GPD1L: variants seen among roughly 807,000 people sequenced by gnomAD.
The protein encoded by GPD1L is glycerol-3-phosphate dehydrogenase 1-like protein.
Under a neutral mutation model 32.9 loss-of-function variants are expected in GPD1L, and 17 were observed. That is an observed-to-expected ratio of 0.52 (90% CI 0.35 to 0.78). The LOEUF (loss-of-function observed/expected upper bound fraction) is 0.78, where lower values mean the gene tolerates loss of function less well. Among genes scored for constraint, GPD1L ranks in the 30% least tolerant of loss-of-function variants. The pLI is 0.01. For missense variants in GPD1L, 361 were observed against 447.8 expected (o/e 0.81, Z 1.75); for synonymous variants, 187 against 165.9 (o/e 1.13, Z -0.98).
chr3:32,137,555 G>C (rs78648233), intron 2 of GPD1L, among the ~76,000 whole-genome samples: 4,497 of 152,254 alleles, frequency 0.03, 316 homozygotes, highest in East Asian at 0.25. Context: ...CATGGTACAC[G>C]TAGCTGCAAG....
chr3:32,123,799 T>C lies in GPD1L; in HGVS notation c.48-4277T>C, dbSNP rs190086679. 6.7e-4 allele frequency among the ~76,000 whole-genome samples: 83 copies of C among 123,792 alleles called. 2 individuals are homozygous for C. Among genetic ancestry groups the C allele is most frequent in the Admixed American group, 6.5e-3 (76 of 11,742 alleles). The allele number at this position is 123,792 out of a possible 152,430, so 81.2% of individuals were successfully genotyped here. A position where few individuals can be genotyped will look rare whatever the true frequency, so the allele number is the denominator to read the frequency against. ...AGATATGCAGGAATTGAAAGATAGA[T>C]AGATAGATAGATAGATAGATAGATA... On this transcript the variant is annotated intron_variant, in intron 1 of 7. Transcript: ENST00000282541.
chr3:32,141,664 A>G (rs1700746059), intron 4 of GPD1L, among the ~76,000 whole-genome samples: 1 of 152,198 alleles, frequency 6.6e-6, no homozygotes, highest in South Asian at 2.1e-4. Context: ...TACGAAAGTG[A>G]TACAGACACA....
At position 32,106,960 on chromosome 3, in the gene GPD1L, G is replaced by GCCCC. The variant is rs1700173573; in HGVS notation, c.47+203_47+204insCCCC. 1 of 436,754 alleles carries GCCCC rather than the reference G, an allele frequency of 2.3e-6. No homozygotes were observed. The highest frequency in any genetic ancestry group is 2.1e-5 in the African/African-American group (1 of 48,580). 27.1% of individuals were successfully genotyped at this position (436,754 alleles called of 1,614,324 possible). ...CACTCGCTCGGGAGGCGCTGGGCTC[G>GCCCC]CGTGCGTGCGGGGGACAGCGCGGAG... On this transcript the variant is annotated intron_variant, in intron 1 of 7. Transcript: ENST00000282541. The surrounding 1 kb of genome is among the most constrained non-coding windows in gnomAD (Gnocchi z 4.0).
rs939224705 is a variant in GPD1L, at chr3:32,135,637, G to T, written c.226-2950G>T. Among the ~76,000 whole-genome samples, 8 of 152,082 alleles carry T rather than the reference G, an allele frequency of 5.3e-5. 1 individual carries two copies. Among genetic ancestry groups the T allele is most frequent in the Non-Finnish European group, 1.2e-4 (8 of 68,010 alleles). On this transcript the variant is annotated intron_variant, in intron 2 of 7. Transcript: ENST00000282541. The stretch of plus-strand genomic sequence containing the variant: ...CTGGCTAATTTTTATATTTTTAGTA[G>T]AGATGGGGTTTTGCCATGTTGGCCA...
At chr3:32,136,688 C>T (rs1191928193) in intron 2 of GPD1L, among the ~76,000 whole-genome samples, 2 of 152,190 alleles carry the variant, frequency 1.3e-5, no homozygotes, top group Admixed American at 1.3e-4. Context: ...TGACAAAGAA[C>T]AAGAGACTTG....
At chr3:32,137,114 A>T (rs1358637842) in intron 2 of GPD1L, among the ~76,000 whole-genome samples, 1 of 152,196 alleles carries the variant, frequency 6.6e-6, no homozygotes, top group Non-Finnish European at 1.5e-5. Flanking sequence ...GTTTCCTCAG[A>T]GGCTGGCCCA....
intron 4 of GPD1L, among the ~76,000 whole-genome samples, chr3:32,143,470 A>G (rs1329097297): frequency 6.6e-6 from 1 of 152,168 alleles, no homozygotes; most frequent in African/African-American, 2.4e-5. Context: ...GGCCAATGGT[A>G]TCTTTGACTC....
At chr3:32,152,460 A>T (rs957825105) in intron 5 of GPD1L, among the ~76,000 whole-genome samples, 3 of 152,110 alleles carry the variant, frequency 2.0e-5, no homozygotes, top group African/African-American at 7.2e-5. Flanking sequence ...GGGCACCAGC[A>T]GTTCTGGTGT....
chr3:32,142,868 G>T (rs1250719396), intron 4 of GPD1L, among the ~76,000 whole-genome samples: 1 of 152,142 alleles, frequency 6.6e-6, no homozygotes, highest in East Asian at 1.9e-4. Context: ...TCTCTGTGGG[G>T]TGGAGTGTGA....
chr3:32,106,742 G>A lies in GPD1L; in HGVS notation c.31G>A (p.Val11Met), dbSNP rs1296813002. 5.1e-6 allele frequency: 8 copies of A among 1,558,720 alleles called. No individual in the cohort carries two copies. The highest frequency in any genetic ancestry group is 6.9e-6 in the Non-Finnish European group (8 of 1,153,246). MAAAPLKVCI[V>M]GSGNWGSAVA... ...AGCGGCGCCCCTGAAAGTGTGCATCGTGGGCTCGGGGAACTGGTGAGCGGC... is the reference window on the plus strand; with the variant it reads ...AGCGGCGCCCCTGAAAGTGTGCATCATGGGCTCGGGGAACTGGTGAGCGGC... The change falls in exon 1 of 8, where the codon GTG becomes ATG. Residue 11 changes from valine (V) to methionine (M), a missense_variant. Coordinates refer to ENST00000282541, the MANE Select transcript of GPD1L (RefSeq NM_015141.4). This position sits in a 1 kb window ranked among gnomAD's most constrained non-coding sequence, Gnocchi z 4.0.
At chr3:32,163,158 GT>G (rs1701094292) in intron 7 of GPD1L, among the ~76,000 whole-genome samples, 1 of 124,956 alleles carries the variant, frequency 8.0e-6, no homozygotes, top group Non-Finnish European at 1.6e-5. Flanking sequence ...TGACTGGTTT[GT>G]CCTTTTTTTT....
chr3:32,146,686 T>C lies in GPD1L; in HGVS notation c.570T>C (p.Ile190=), dbSNP rs1263963693. 7 of 1,613,648 alleles carry C rather than the reference T, an allele frequency of 4.3e-6. No homozygotes were observed. The highest frequency in any genetic ancestry group is 1.1e-5 in the South Asian group (1 of 91,070). Residue 190 remains isoleucine (I), a synonymous_variant, in exon 5 of 8, where the codon ATT becomes ATC. Transcript: ENST00000282541. ...TTCTGCAGACTCCAAATTTTCGAATTACCGTGGTTGATGATGCAGACACTG... is the reference window on the plus strand; with the variant it reads ...TTCTGCAGACTCCAAATTTTCGAATCACCGTGGTTGATGATGCAGACACTG... ...KELLQTPNFR[I]TVVDDADTVE...
At chr3:32,144,759 C>T (rs1700795299) in intron 4 of GPD1L, among the ~76,000 whole-genome samples, 1 of 147,244 alleles carries the variant, frequency 6.8e-6, no homozygotes, top group African/African-American at 2.6e-5. Flanking sequence ...GATCTCGGCT[C>T]ACAGCAACCT....
chr3:32,158,645 C>T (rs2125497634), intron 5 of GPD1L: 1 of 859,262 alleles, frequency 1.2e-6, no homozygotes, highest in Non-Finnish European at 1.7e-6. Context: ...TCTTCAACTG[C>T]TGACCCCAAA....
chr3:32,141,410 A>G (rs1303155418), intron 4 of GPD1L, among the ~76,000 whole-genome samples: 1 of 152,148 alleles, frequency 6.6e-6, no homozygotes, highest in African/African-American at 2.4e-5. Flanking sequence ...ATGAACTATT[A>G]TGTTTGTAGT....
chr3:32,144,718 C>T (rs561249947), intron 4 of GPD1L, among the ~76,000 whole-genome samples: 2 of 151,724 alleles, frequency 1.3e-5, no homozygotes, highest in African/African-American at 2.4e-5. Flanking sequence ...TGGAGTCTCA[C>T]GCTGTTGCCC....
At position 32,106,947 on chromosome 3, in the gene GPD1L, A is replaced by C. The variant is rs996189757; in HGVS notation, c.47+189A>C. Reference sequence around the variant, plus strand: ...GGCCGCACCGGGGCACTCGCTCGGGAGGCGCTGGGCTCGCGTGCGTGCGGG... The same window carrying C: ...GGCCGCACCGGGGCACTCGCTCGGGCGGCGCTGGGCTCGCGTGCGTGCGGG... On this transcript the variant is annotated intron_variant, in intron 1 of 7. Coordinates refer to ENST00000282541, the MANE Select transcript of GPD1L (RefSeq NM_015141.4). This position sits in a 1 kb window ranked among gnomAD's most constrained non-coding sequence, Gnocchi z 4.0. 1 of 455,860 alleles carries C rather than the reference A, an allele frequency of 2.2e-6. No homozygotes were observed. Among genetic ancestry groups the C allele is most frequent in the Non-Finnish European group, 3.6e-6 (1 of 278,264 alleles). 28.2% of individuals were successfully genotyped at this position (455,860 alleles called of 1,614,324 possible).
intron 4 of GPD1L, among the ~76,000 whole-genome samples, chr3:32,143,174 G>T (rs1363085637): frequency 6.6e-6 from 1 of 151,770 alleles, no homozygotes; most frequent in Non-Finnish European, 1.5e-5. Context: ...TCCTGCCTGG[G>T]TGACAGCAAT....
chr3:32,121,697 T>TTA (rs1553657554), intron 1 of GPD1L, among the ~76,000 whole-genome samples: 11 of 134,246 alleles, frequency 8.2e-5, no homozygotes, highest in African/African-American at 2.7e-4. Flanking sequence ...ATATATATAT[T>TTA]TATATATATA....
Sources: gnomAD v4.1 joint callset for allele counts (sites outside exome capture counted in the v4.1 genomes callset) on GRCh38, gnomAD v4.1.1 for gene constraint, Gnocchi (gnomAD v3.1) non-coding constraint, MANE v1.5 for transcripts, NCBI Gene and HGNC (gene_info 2026-07-23, HGNC 2026-07-21) for gene names.